The following RAB15 variants were observed in gnomAD, a reference collection of about 807,000 sequenced individuals.
The protein encoded by RAB15 is RAB15, member RAS oncogene family.
A neutral mutation model predicts 31.8 loss-of-function variants in RAB15; 13 were observed. The observed-to-expected ratio is 0.41, with a 90% CI of 0.27 to 0.65. RAB15 has a LOEUF of 0.65. RAB15 is among the 30% of genes least tolerant of loss of function. The pLI is 0.32. For missense variants in RAB15, 220 were observed against 277.3 expected (o/e 0.79, Z 1.47); for synonymous variants, 100 against 105.6 (o/e 0.95, Z 0.33).
chr14:64,964,836 A>C (rs1374193099), intron 1 of RAB15, among the ~76,000 whole-genome samples: 1 of 152,114 alleles, frequency 6.6e-6, no homozygotes, highest in East Asian at 2.0e-4. Flanking sequence ...TGGCCTCCCA[A>C]AGTGCTGGGA....
chr14:64,966,158 T>C (rs1229290596), intron 1 of RAB15, among the ~76,000 whole-genome samples: 6 of 152,204 alleles, frequency 3.9e-5, no homozygotes, highest in African/African-American at 1.2e-4. Flanking sequence ...CAGCTTCCTA[T>C]GCACTCCCTT....
Position 64,968,097 on chromosome 14 carries a change from G to T in RAB15, c.124+3856C>A, listed in dbSNP as rs940245192. 8.5e-5 allele frequency among the ~76,000 whole-genome samples: 13 copies of T among 152,180 alleles called. No homozygotes were observed. Among genetic ancestry groups the T allele is most frequent in the Admixed American group, 7.2e-4 (11 of 15,282 alleles). ...ATTCATTAATTTAACAACAGGCATT[G>T]AATCTGCCTGGCCCTGTACTAGGGA... On this transcript the variant is annotated intron_variant, in intron 1 of 6. Transcript: ENST00000533601. This position sits in a 1 kb window ranked among gnomAD's most constrained non-coding sequence, Gnocchi z 4.9.
rs1594935052 is a variant in RAB15 at position 64,951,455 on chromosome 14, T to G, written c.246+148A>C. ...GGGCCATGAACAATGGACGGACAAA[T>G]GATCAGTGAACAGCTGAAAGACGCC... is the stretch of plus-strand genomic sequence containing the variant. On this transcript the variant is annotated intron_variant, in intron 3 of 6. Coordinates refer to ENST00000533601, the MANE Select transcript of RAB15 (RefSeq NM_001308154.2). This position sits in a 1 kb window ranked among gnomAD's most constrained non-coding sequence, Gnocchi z 7.2. The G allele has an allele frequency of 6.2e-6, 5 of 803,298 alleles. No homozygotes were observed. In the East Asian group the frequency reaches 1.2e-4, roughly 20 times the overall value. 49.8% of individuals were successfully genotyped at this position (803,298 alleles called of 1,614,324 possible).
rs934344033 is a variant in RAB15 at position 64,968,471 on chromosome 14, G to A, written c.124+3482C>T. 1.3e-5 allele frequency among the ~76,000 whole-genome samples: 2 copies of A among 152,102 alleles called. No individual in the cohort carries two copies. Among genetic ancestry groups the A allele is most frequent in the African/African-American group, 4.8e-5 (2 of 41,404 alleles). ...CCCATCCCATCCATCGCCATTCTCC[G>A]GCTGCCTCATGGTACATCTTGCATC... On this transcript the variant is annotated intron_variant, in intron 1 of 6. Coordinates refer to ENST00000533601, the MANE Select transcript of RAB15 (RefSeq NM_001308154.2). This position sits in a 1 kb window ranked among gnomAD's most constrained non-coding sequence, Gnocchi z 4.9.
intron 1 of RAB15, among the ~76,000 whole-genome samples, chr14:64,956,740 C>T (rs1886596983): frequency 6.7e-6 from 1 of 150,216 alleles, no homozygotes; most frequent in African/African-American, 2.5e-5. Context: ...CCTACTGAAT[C>T]ATAATTTGAG....
rs1886925696 is a variant in RAB15, at chr14:64,962,738, A to G, written c.124+9215T>C. 6.6e-6 allele frequency among the ~76,000 whole-genome samples: 1 copy of G among 151,874 alleles called. No individual in the cohort carries two copies. The highest frequency in any genetic ancestry group is 1.5e-5 in the Non-Finnish European group (1 of 67,974). On this transcript the variant is annotated intron_variant, in intron 1 of 6. Coordinates refer to ENST00000533601, the MANE Select transcript of RAB15 (RefSeq NM_001308154.2). This position sits in a 1 kb window ranked among gnomAD's most constrained non-coding sequence, Gnocchi z 4.2. ...AGTTCCTAGGAAGAGGGTCAACAGT[A>G]CTCTCTCCTTTGTTACAAAAGGGGA...
At chr14:64,961,898 G>A (rs1886877634) in intron 1 of RAB15, among the ~76,000 whole-genome samples, 1 of 147,682 alleles carries the variant, frequency 6.8e-6, no homozygotes, top group Non-Finnish European at 1.5e-5. Context: ...CTGGGAGACA[G>A]TGCAAGACTC....
Position 64,962,993 on chromosome 14 carries a change from TG to T in RAB15, c.124+8959del, listed in dbSNP as rs966414171. On this transcript the variant is annotated intron_variant, in intron 1 of 6. Coordinates refer to ENST00000533601, the MANE Select transcript of RAB15 (RefSeq NM_001308154.2). This position sits in a 1 kb window ranked among gnomAD's most constrained non-coding sequence, Gnocchi z 4.2. ...AGAACTCCCTGCTCCTATGTGATGC[TG>T]AGATCTCTATACACTGAATAAATGG... Among the ~76,000 whole-genome samples the T allele has an allele frequency of 1.3e-5, 2 of 152,156 alleles. No individual in the cohort carries two copies. Among genetic ancestry groups the T allele is most frequent in the African/African-American group, 4.8e-5 (2 of 41,424 alleles).
chr14:64,966,490 T>C (rs958871419), intron 1 of RAB15, among the ~76,000 whole-genome samples: 9 of 150,794 alleles, frequency 6.0e-5, no homozygotes, highest in Non-Finnish European at 1.3e-4. Context: ...GCCACTGCAC[T>C]CCAGCCTGGG....
At position 64,948,816 on chromosome 14, in the gene RAB15, C is replaced by T. The variant is rs1886069662; in HGVS notation, c.415-83G>A. 3 of 1,156,878 alleles carry T rather than the reference C, an allele frequency of 2.6e-6. No homozygotes were observed. The South Asian group carries it at 3.8e-5, about 15-fold the overall frequency. 71.7% of individuals were successfully genotyped at this position (1,156,878 alleles called of 1,614,324 possible). Reference sequence around the variant, plus strand: ...AACCAGGCACAGGCTTCTGCCACTGCACTCACAACCATGCTGTGTTGTGAC... The same window carrying T: ...AACCAGGCACAGGCTTCTGCCACTGTACTCACAACCATGCTGTGTTGTGAC... On this transcript the variant is annotated intron_variant, in intron 5 of 6. Coordinates refer to ENST00000533601, the MANE Select transcript of RAB15 (RefSeq NM_001308154.2). This position sits in a 1 kb window ranked among gnomAD's most constrained non-coding sequence, Gnocchi z 7.0.
chr14:64,966,422 C>G (rs1374988445), intron 1 of RAB15, among the ~76,000 whole-genome samples: 3 of 151,734 alleles, frequency 2.0e-5, no homozygotes, highest in Non-Finnish European at 4.4e-5. Context: ...ACTTAGGAGG[C>G]TGAGGCAGGA....
chr14:64,948,885 C>T lies in RAB15; in HGVS notation c.415-152G>A. 2.9e-6 allele frequency: 2 copies of T among 683,512 alleles called. No individual in the cohort carries two copies. Among genetic ancestry groups the T allele is most frequent in the African/African-American group, 3.6e-5 (2 of 55,778 alleles). 42.3% of individuals were successfully genotyped at this position (683,512 alleles called of 1,614,324 possible). ...ATTTCTCAGATGGGACTGGGAGCTC[C>T]AAGAGAGGGTAGCAGAGAATGGGGG... On this transcript the variant is annotated intron_variant, in intron 5 of 6. Coordinates refer to ENST00000533601, the MANE Select transcript of RAB15 (RefSeq NM_001308154.2). This position sits in a 1 kb window ranked among gnomAD's most constrained non-coding sequence, Gnocchi z 7.0.
At position 64,972,260 on chromosome 14, in the gene RAB15, G is replaced by T; in HGVS notation, c.-184C>A. The T allele has an allele frequency of 4.2e-6, 1 of 237,418 alleles. No individual in the cohort carries two copies. Among genetic ancestry groups the T allele is most frequent in the Non-Finnish European group, 6.7e-6 (1 of 148,446 alleles). The allele number at this position is 237,418 out of a possible 1,614,324, so 14.7% of individuals were successfully genotyped here. The stretch of plus-strand genomic sequence containing the variant: ...CGCTCGCTGGGTGCCGGGAAGCGCG[G>T]CTGCGGCGGGAGCCCGGCGCGGCGC... On this transcript the variant is annotated 5_prime_UTR_variant, in exon 1 of 7. Coordinates refer to ENST00000533601, the MANE Select transcript of RAB15 (RefSeq NM_001308154.2). This position sits in a 1 kb window ranked among gnomAD's most constrained non-coding sequence, Gnocchi z 6.3.
rs1033243970 is a variant in RAB15, at chr14:64,958,670, G to C, written c.125-6099C>G. Among the ~76,000 whole-genome samples, 1 of 151,906 alleles carries C rather than the reference G, an allele frequency of 6.6e-6. No individual in the cohort carries two copies. Among genetic ancestry groups the C allele is most frequent in the Non-Finnish European group, 1.5e-5 (1 of 67,996 alleles). On this transcript the variant is annotated intron_variant, in intron 1 of 6. Transcript: ENST00000533601. This position sits in a 1 kb window ranked among gnomAD's most constrained non-coding sequence, Gnocchi z 4.4. Reference sequence around the variant, plus strand: ...ACAAAACAGTCTACTTCCTTTCTTGGGTACAGAAAGAAATAGGGCACAGAA... The same window carrying C: ...ACAAAACAGTCTACTTCCTTTCTTGCGTACAGAAAGAAATAGGGCACAGAA...
chr14:64,958,869 C>G lies in RAB15; in HGVS notation c.125-6298G>C, dbSNP rs1374660678. Among the ~76,000 whole-genome samples the G allele has an allele frequency of 5.9e-5, 9 of 152,210 alleles. No individual in the cohort carries two copies. The highest frequency in any genetic ancestry group is 5.9e-4 in the Admixed American group (9 of 15,290). ...ACATTAGATATGCCCATCATGGTGC[C>G]TGCCACACCCTGTGTCCCTTTCTGG... On this transcript the variant is annotated intron_variant, in intron 1 of 6. Coordinates refer to ENST00000533601, the MANE Select transcript of RAB15 (RefSeq NM_001308154.2). The surrounding 1 kb of genome is among the most constrained non-coding windows in gnomAD (Gnocchi z 4.4).
rs1408964846 is a variant in RAB15, at chr14:64,947,099, GAA to G, written c.*1253_*1254del. 6.6e-6 allele frequency: 1 copy of G among 152,632 alleles called. No individual in the cohort carries two copies. The highest frequency in any genetic ancestry group is 1.5e-5 in the Non-Finnish European group (1 of 68,070). The allele number at this position is 152,632 out of a possible 1,614,324, so 9.5% of individuals were successfully genotyped here. ...CAGGGCCTTCCTTCTCTCTTCCCATGAAGTCTTTGCCCTTCTCCCATAAACTT... is the reference window on the plus strand; with the variant it reads ...CAGGGCCTTCCTTCTCTCTTCCCATGGTCTTTGCCCTTCTCCCATAAACTT... On this transcript the variant is annotated 3_prime_UTR_variant, in exon 7 of 7. Coordinates refer to ENST00000533601, the MANE Select transcript of RAB15 (RefSeq NM_001308154.2). The surrounding 1 kb of genome is among the most constrained non-coding windows in gnomAD (Gnocchi z 5.6).
At chr14:64,960,712 G>C (rs2139989996) in intron 1 of RAB15, among the ~76,000 whole-genome samples, 1 of 152,296 alleles carries the variant, frequency 6.6e-6, no homozygotes, top group South Asian at 2.1e-4. Flanking sequence ...GGAAGCATGA[G>C]ATTAGCGAGC....
chr14:64,965,702 G>A (rs547309741), intron 1 of RAB15, among the ~76,000 whole-genome samples: 23 of 152,240 alleles, frequency 1.5e-4, no homozygotes, highest in African/African-American at 5.1e-4. Flanking sequence ...AAGGATAATG[G>A]CCAAATATCA....
At position 64,955,636 on chromosome 14, in the gene RAB15, C is replaced by A. The variant is rs1156941839; in HGVS notation, c.125-3065G>T. 2.6e-5 allele frequency among the ~76,000 whole-genome samples: 4 copies of A among 152,196 alleles called. No individual in the cohort carries two copies. Among genetic ancestry groups the A allele is most frequent in the African/African-American group, 9.6e-5 (4 of 41,466 alleles). Reference sequence around the variant, plus strand: ...CCACCCCTGTGCTCTCAGCAGGATACCTTCTCCACTGTTTTATGGCCCAGA... The same window carrying A: ...CCACCCCTGTGCTCTCAGCAGGATAACTTCTCCACTGTTTTATGGCCCAGA... On this transcript the variant is annotated intron_variant, in intron 1 of 6. Coordinates refer to ENST00000533601, the MANE Select transcript of RAB15 (RefSeq NM_001308154.2). This position sits in a 1 kb window ranked among gnomAD's most constrained non-coding sequence, Gnocchi z 4.4.
Sources: allele counts gnomAD v4.1 joint callset (sites outside exome capture counted in the v4.1 genomes callset), GRCh38; gene constraint gnomAD v4.1.1; non-coding constraint Gnocchi (gnomAD v3.1); transcripts MANE v1.5; gene names NCBI Gene and HGNC (gene_info 2026-07-23, HGNC 2026-07-21).